ASCC1: variants seen among roughly 807,000 people sequenced by gnomAD.
ASCC1 encodes activating signal cointegrator 1 complex subunit 1.
ASCC1 carries 35 observed loss-of-function variants against 46.6 expected under a neutral mutation model. The ratio of observed to expected loss-of-function variants is 0.75; its 90% confidence interval spans 0.57 to 0.99. The LOEUF (loss-of-function observed/expected upper bound fraction) is 0.99. Ranked by LOEUF, ASCC1 falls within the 50% of genes least tolerant of loss-of-function variation. ASCC1 has a pLI of 0.00. For synonymous variants in ASCC1, 143 were observed against 146.6 expected, an observed-to-expected ratio of 0.98 and a Z score of 0.18; for missense variants, 376 against 428.7, an observed-to-expected ratio of 0.88 and a Z score of 1.09.
At chr10:72,105,809 G>A (rs1385151318) in intron 9 of ASCC1, among the ~76,000 whole-genome samples, 2 of 152,088 alleles carry the variant, frequency 1.3e-5, no homozygotes, top group African/African-American at 2.4e-5. Flanking sequence ...CCTTGCATTC[G>A]TTTCAAAGCT....
Position 72,213,263 on chromosome 10 carries a change from A to G in ASCC1, c.36T>C (p.Asp12=). The G allele has an allele frequency of 6.2e-7, 1 of 1,613,956 alleles. No individual in the cohort carries two copies. The highest frequency in any genetic ancestry group is 8.5e-7 in the Non-Finnish European group (1 of 1,179,874). Residue 12 remains aspartate, a synonymous_variant, in exon 2 of 10, where the codon GAT becomes GAC. Coordinates refer to ENST00000672957, the MANE Select transcript of ASCC1 (RefSeq NM_001198800.3). ...EVLRPQLIRI[D]GRNYRKNPVQ... ...CTGGATTCTTCCTGTAATTCCGGCC[A>G]TCAATTCTTATAAGCTGTGGACGCA...
chr10:72,110,587 G>C (rs1431592997), intron 9 of ASCC1, among the ~76,000 whole-genome samples: 3 of 151,940 alleles, frequency 2.0e-5, no homozygotes, highest in African/African-American at 4.8e-5. Context: ...AGGAGTTCGA[G>C]ACCAGCCTAA....
At chr10:72,161,700 A>T in intron 5 of ASCC1, 26 bp from the exon 6 acceptor site, 1 of 1,614,010 alleles carries the variant, frequency 6.2e-7, no homozygotes, top group Non-Finnish European at 8.5e-7. Flanking sequence ...GAAAAACAAG[A>T]AACTCAGCCC....
intron 9 of ASCC1, among the ~76,000 whole-genome samples, chr10:72,099,754 A>T (rs564653672): frequency 3.5e-4 from 53 of 152,288 alleles, no homozygotes; most frequent in African/African-American, 1.2e-3. Context: ...TGGGAGGCGG[A>T]GGTTGCGGTG....
intron 7 of ASCC1, among the ~76,000 whole-genome samples, chr10:72,147,789 C>T (rs925747464): frequency 7.2e-5 from 11 of 152,136 alleles, no homozygotes; most frequent in Admixed American, 6.5e-5. Flanking sequence ...ATAATACAAT[C>T]TAAGCACCGT....
rs1413855307 is a variant in ASCC1 at position 72,152,779 on chromosome 10, C to T, written c.746+90G>A. 6 of 1,480,144 alleles carry T rather than the reference C, an allele frequency of 4.1e-6. No homozygotes were observed. The Admixed American group carries it at 8.7e-5, about 21-fold the overall frequency. The allele number at this position is 1,480,144 out of a possible 1,614,324, so 91.7% of individuals were successfully genotyped here. Reference sequence around the variant, plus strand: ...ATTAACATGTTCTTTACAATAAGAACTCAAAGAAAAGGAATCAAAATGAAT... The same window carrying T: ...ATTAACATGTTCTTTACAATAAGAATTCAAAGAAAAGGAATCAAAATGAAT... On this transcript the variant is annotated intron_variant, in intron 7 of 9. Transcript: ENST00000672957.
chr10:72,161,262 G>A (rs1849663428), intron 6 of ASCC1, among the ~76,000 whole-genome samples: 1 of 151,256 alleles, frequency 6.6e-6, no homozygotes, highest in South Asian at 2.1e-4. Flanking sequence ...TAATGTTTGA[G>A]TTACTGTAAT....
chr10:72,162,546 T>C (rs1295996788), intron 5 of ASCC1, among the ~76,000 whole-genome samples: 1 of 152,036 alleles, frequency 6.6e-6, no homozygotes, highest in African/African-American at 2.4e-5. Flanking sequence ...CACAGCTCAC[T>C]GTAACCTCAA....
chr10:72,111,170 G>C (rs777420120), intron 9 of ASCC1, among the ~76,000 whole-genome samples: 12 of 152,138 alleles, frequency 7.9e-5, no homozygotes, highest in Admixed American at 3.3e-4. Flanking sequence ...GCATGTCACA[G>C]TCATAAGGCC....
intron 9 of ASCC1, among the ~76,000 whole-genome samples, chr10:72,099,563 G>A (rs1040500859): frequency 1.3e-5 from 2 of 152,214 alleles, no homozygotes; most frequent in African/African-American, 4.8e-5. Context: ...ACTCATGCCT[G>A]TAATCCCAGC....
intron 5 of ASCC1, among the ~76,000 whole-genome samples, chr10:72,177,406 T>G (rs1851989885): frequency 6.6e-6 from 1 of 152,138 alleles, no homozygotes; most frequent in Non-Finnish European, 1.5e-5. Flanking sequence ...TATATAAACA[T>G]TTTCTTCTTC....
chr10:72,181,968 G>A (rs1852689448), intron 5 of ASCC1, among the ~76,000 whole-genome samples: 1 of 152,152 alleles, frequency 6.6e-6, no homozygotes, highest in South Asian at 2.1e-4. Context: ...TTACAGGTGT[G>A]AGCCACCGCA....
chr10:72,191,989 A>G lies in ASCC1; in HGVS notation c.489+4822T>C, dbSNP rs1854588683. Among the ~76,000 whole-genome samples the G allele has an allele frequency of 2.0e-5, 3 of 149,186 alleles. 1 individual carries two copies. In the South Asian group the frequency reaches 6.4e-4, roughly 32 times the overall value. ...ACATAACATTAAGAGTACAACCCAT[A>G]AAAAAAAAATAAACTAGACTTTATC... On this transcript the variant is annotated intron_variant, in intron 5 of 9. Transcript: ENST00000672957.
chr10:72,186,927 C>A lies in ASCC1; in HGVS notation c.489+9884G>T, dbSNP rs1321492009. Among the ~76,000 whole-genome samples, 8 of 140,916 alleles carry A rather than the reference C, an allele frequency of 5.7e-5. No individual in the cohort carries two copies. The Admixed American group carries it at 5.8e-4, about 10-fold the overall frequency. The allele number at this position is 140,916 out of a possible 152,430, so 92.4% of individuals were successfully genotyped here. On this transcript the variant is annotated intron_variant, in intron 5 of 9. Coordinates refer to ENST00000672957, the MANE Select transcript of ASCC1 (RefSeq NM_001198800.3). ...CCAAAAAAAAAAAAAAGGAAGAAAG[C>A]GGATGCACATGCACATGCCCAGAAA...
chr10:72,216,773 A>C (rs1284287847), upstream of ASCC1: 1 of 455,640 alleles, frequency 2.2e-6, no homozygotes, highest in Non-Finnish European at 4.4e-6. Flanking sequence ...GTGTCCACAA[A>C]GCATCGTTAC....
Position 72,152,966 on chromosome 10 carries a change from G to A in ASCC1, c.649C>T (p.Leu217=), listed in dbSNP as rs867051656. The A allele has an allele frequency of 2.5e-6, 4 of 1,614,070 alleles. No homozygotes were observed. In the Middle Eastern group the frequency reaches 6.6e-4, roughly 266 times the overall value. The change falls in exon 7 of 10, where the codon CTA becomes TTA. Residue 217 remains leucine (L), a synonymous_variant. Coordinates refer to ENST00000672957, the MANE Select transcript of ASCC1 (RefSeq NM_001198800.3). ...FINDISGGKP[L]EVEMAGIEYM... ...TCTATCCCTGCCATCTCCACTTCTA[G>A]GGGTTTACCCCCAGAAATATCACTG... is the stretch of plus-strand genomic sequence containing the variant.
At chr10:72,203,760 C>A (rs887623239) in intron 3 of ASCC1, among the ~76,000 whole-genome samples, 5 of 152,252 alleles carry the variant, frequency 3.3e-5, no homozygotes, top group Admixed American at 1.3e-4. Context: ...GATAGAAAAA[C>A]CATGCCCAAC....
At chr10:72,125,229 G>A (rs1844717844) in intron 9 of ASCC1, among the ~76,000 whole-genome samples, 1 of 151,912 alleles carries the variant, frequency 6.6e-6, no homozygotes, top group Non-Finnish European at 1.5e-5. Context: ...GTTTCTCTTT[G>A]AATAGTAGAT....
Position 72,177,206 on chromosome 10 carries a change from T to C in ASCC1, c.490-15532A>G, listed in dbSNP as rs371746939. 1.1e-4 allele frequency among the ~76,000 whole-genome samples: 17 copies of C among 152,308 alleles called. No individual in the cohort carries two copies. The East Asian group carries it at 3.1e-3, about 28-fold the overall frequency. ...GAAATGGGACAATATATGAATCTTG[T>C]AAATATTTCCTTTTCTTACTTTCCT... On this transcript the variant is annotated intron_variant, in intron 5 of 9. Transcript: ENST00000672957.
Sources: gnomAD v4.1 joint callset for allele counts (sites outside exome capture counted in the v4.1 genomes callset) on GRCh38, gnomAD v4.1.1 for gene constraint, MANE v1.5 for transcripts, NCBI Gene and HGNC (gene_info 2026-07-23, HGNC 2026-07-21) for gene names.